NPR3: variants seen among roughly 807,000 people sequenced by gnomAD.
NPR3 encodes the protein atrial natriuretic peptide receptor 3.
NPR3 carries 34 observed loss-of-function variants against 54.5 expected under a neutral mutation model. The ratio of observed to expected loss-of-function variants is 0.62; its 90% CI spans 0.47 to 0.83. The LOEUF (loss-of-function observed/expected upper bound fraction) is 0.83, where lower values mean the gene tolerates loss of function less well. Ranked by LOEUF, NPR3 falls within the 40% of genes least tolerant of loss-of-function variation. The pLI, the probability that NPR3 is intolerant of heterozygous loss-of-function variation, is 0.00. For missense variants in NPR3, 674 were observed against 720.8 expected (o/e 0.94, Z 0.74); for synonymous variants, 289 against 297.1 (o/e 0.97, Z 0.28).
intron 1 of NPR3, chr5:32,713,448 CT>C: frequency 1.0e-6 from 1 of 985,446 alleles, no homozygotes; most frequent in Non-Finnish European, 1.2e-6. Flanking sequence ...AGGGTAGAAT[CT>C]GAGGGAAGGC....
intron 3 of NPR3, among the ~76,000 whole-genome samples, chr5:32,744,584 G>A (rs1441531941): frequency 8.5e-5 from 13 of 152,126 alleles, no homozygotes; most frequent in Admixed American, 5.2e-4. Context: ...AATACTTACC[G>A]TGATGAATAC....
intron 5 of NPR3, among the ~76,000 whole-genome samples, chr5:32,781,283 C>A (rs1165470513): frequency 1.3e-5 from 2 of 152,132 alleles, no homozygotes; most frequent in East Asian, 3.9e-4. Flanking sequence ...GTTTCCTCAG[C>A]TGTAACATGG....
At chr5:32,786,175 A>G in intron 7 of NPR3, 59 bp from the exon 8 acceptor site, 1 of 715,184 alleles carries the variant, frequency 1.4e-6, no homozygotes, top group Non-Finnish European at 2.4e-6. Flanking sequence ...TCTTTGTAAG[A>G]GAAACCATGG....
chr5:32,700,653 T>A (rs1740644196), intron 1 of NPR3, among the ~76,000 whole-genome samples: 1 of 152,130 alleles, frequency 6.6e-6, no homozygotes, highest in Non-Finnish European at 1.5e-5. Context: ...GGTGTTTGGT[T>A]TTCTGTCCTT....
chr5:32,696,704 A>T (rs1415253277), intron 1 of NPR3, among the ~76,000 whole-genome samples: 5 of 152,138 alleles, frequency 3.3e-5, no homozygotes, highest in Admixed American at 1.3e-4. Context: ...TTTTCATTGA[A>T]GAGATCTTTC....
intron 2 of NPR3, among the ~76,000 whole-genome samples, chr5:32,727,857 C>T (rs1175411963): frequency 6.6e-6 from 1 of 152,098 alleles, no homozygotes; most frequent in African/African-American, 2.4e-5. Context: ...ATTGCATTGG[C>T]AAGAACTTCC....
chr5:32,711,613 C>A lies in NPR3; in HGVS notation c.-164C>A. 1 of 1,249,352 alleles carries A rather than the reference C, an allele frequency of 8.0e-7. No homozygotes were observed. The highest frequency in any genetic ancestry group is 1.0e-6 in the Non-Finnish European group (1 of 1,000,758). The allele number at this position is 1,249,352 out of a possible 1,614,324, so 77.4% of individuals were successfully genotyped here. A position where few individuals can be genotyped will look rare whatever the true frequency, so the allele number is the denominator to read the frequency against. On this transcript the variant is annotated 5_prime_UTR_variant, in exon 1 of 8. Coordinates refer to ENST00000265074, the MANE Select transcript of NPR3 (RefSeq NM_001204375.2). ...GTGACATTGCAGAGAAGGACGCTTCCTCTCTATCTTTTGGCGCATTAGTGA... is the reference window on the plus strand; with the variant it reads ...GTGACATTGCAGAGAAGGACGCTTCATCTCTATCTTTTGGCGCATTAGTGA...
At chr5:32,771,270 A>C (rs1230965722) in intron 3 of NPR3, among the ~76,000 whole-genome samples, 1 of 152,186 alleles carries the variant, frequency 6.6e-6, no homozygotes, top group African/African-American at 2.4e-5. Context: ...AGCAAACCTC[A>C]GCAGGGTCAG....
upstream of NPR3, among the ~76,000 whole-genome samples, chr5:32,705,170 G>A (rs1737952852): frequency 6.6e-6 from 1 of 152,164 alleles, no homozygotes; most frequent in African/African-American, 2.4e-5. Flanking sequence ...AGTAATTGAT[G>A]CTTTAAAAAA....
At chr5:32,708,441 C>CTA (rs762130518), upstream of NPR3, among the ~76,000 whole-genome samples, 323 of 151,280 alleles carry the variant, frequency 2.1e-3, 4 homozygotes, top group East Asian at 8.3e-3. Context: ...CCAAACTTAG[C>CTA]TATATATATA....
At chr5:32,776,204 T>A (rs1375636048) in intron 4 of NPR3, among the ~76,000 whole-genome samples, 1 of 152,230 alleles carries the variant, frequency 6.6e-6, no homozygotes, top group Non-Finnish European at 1.5e-5. Flanking sequence ...TACTTGTATG[T>A]CAAGTTAAAG....
At chr5:32,781,489 C>T (rs778279929) in intron 5 of NPR3, among the ~76,000 whole-genome samples, 6 of 152,274 alleles carry the variant, frequency 3.9e-5, no homozygotes, top group Middle Eastern at 3.4e-3. Flanking sequence ...TGCTCCGGTG[C>T]CCTTCATGGG....
chr5:32,760,323 T>C (rs1741097382), intron 3 of NPR3, among the ~76,000 whole-genome samples: 1 of 152,202 alleles, frequency 6.6e-6, no homozygotes, highest in Non-Finnish European at 1.5e-5. Flanking sequence ...ACCAGCAATG[T>C]ATGGAGTTAC....
intron 3 of NPR3, among the ~76,000 whole-genome samples, chr5:32,762,185 G>A (rs1231975079): frequency 6.6e-6 from 1 of 152,042 alleles, no homozygotes; most frequent in Non-Finnish European, 1.5e-5. Flanking sequence ...TCTTTATCCA[G>A]TCTACCAGAG....
At chr5:32,766,282 G>A (rs1192099079) in intron 3 of NPR3, among the ~76,000 whole-genome samples, 3 of 152,214 alleles carry the variant, frequency 2.0e-5, no homozygotes, top group Non-Finnish European at 1.5e-5. Flanking sequence ...AGGAAAGAGT[G>A]AGGGTCATCA....
At chr5:32,757,996 G>A (rs1038759882) in intron 3 of NPR3, among the ~76,000 whole-genome samples, 3 of 152,112 alleles carry the variant, frequency 2.0e-5, no homozygotes, top group Admixed American at 6.5e-5. Flanking sequence ...TGCTGGATTC[G>A]GTTTGCCAGT....
In NPR3 at chr5:32,786,410, C is replaced by A; in HGVS notation, c.*65C>A. ...TTAAGGAGATAGACGGGTTGAAAGACATCAATGAAACAGAAGGGGCGTTCT... is the reference window on the plus strand; with the variant it reads ...TTAAGGAGATAGACGGGTTGAAAGAAATCAATGAAACAGAAGGGGCGTTCT... On this transcript the variant is annotated 3_prime_UTR_variant, in exon 8 of 8. Coordinates refer to ENST00000265074, the MANE Select transcript of NPR3 (RefSeq NM_001204375.2). 1.5e-6 allele frequency: 1 copy of A among 689,532 alleles called. No homozygotes were observed. Among genetic ancestry groups the A allele is most frequent in the South Asian group, 1.8e-5 (1 of 56,622 alleles). 42.7% of individuals were successfully genotyped at this position (689,532 alleles called of 1,614,324 possible). A position where few individuals can be genotyped will look rare whatever the true frequency, so the allele number is the denominator to read the frequency against.
rs750086021 is a variant in NPR3, at chr5:32,712,313, C to G, written c.537C>G (p.Pro179=). The change falls in exon 1 of 8, where the codon CCC becomes CCG. Residue 179 remains proline, a synonymous_variant. Coordinates refer to ENST00000265074, the MANE Select transcript of NPR3 (RefSeq NM_001204375.2). The part of the protein sequence containing the change: ...SEYSHLTRVA[P]AYAKMGEMML... ...ACTCGCACCTCACGCGCGTGGCGCC[C>G]GCCTACGCCAAGATGGGCGAGATGA... 1.9e-6 allele frequency: 3 copies of G among 1,613,378 alleles called. No homozygotes were observed. Among genetic ancestry groups the G allele is most frequent in the Non-Finnish European group, 2.5e-6 (3 of 1,179,750 alleles).
chr5:32,773,806 A>G (rs1741893897), intron 3 of NPR3, among the ~76,000 whole-genome samples: 1 of 152,232 alleles, frequency 6.6e-6, no homozygotes, highest in South Asian at 2.1e-4. Flanking sequence ...AGAAATTGAT[A>G]TGTGCCAGGC....
Sources: allele counts gnomAD v4.1 joint callset (sites outside exome capture counted in the v4.1 genomes callset), GRCh38; gene constraint gnomAD v4.1.1; transcripts MANE v1.5; gene names NCBI Gene and HGNC (gene_info 2026-07-23, HGNC 2026-07-21).